The following SLC31A1 variants were observed in gnomAD, a reference collection of about 807,000 sequenced individuals.
SLC31A1 encodes the protein high affinity copper uptake protein 1.
Under a neutral mutation model 17.2 loss-of-function variants are expected in SLC31A1, and 5 were observed. That is an observed-to-expected ratio of 0.29 (90% CI 0.15 to 0.61). SLC31A1 has a LOEUF of 0.61. Among genes scored for constraint, SLC31A1 ranks in the 20% least tolerant of loss-of-function variants. The pLI is 0.86. For missense variants in SLC31A1, 161 were observed against 241.4 expected (o/e 0.67, Z 2.21); for synonymous variants, 76 against 78.8 (o/e 0.96, Z 0.19).
intron 1 of SLC31A1, chr9:113,223,318 G>T: frequency 2.6e-6 from 1 of 377,396 alleles, no homozygotes; most frequent in South Asian, 1.9e-5. Flanking sequence ...CTGCAGGACT[G>T]GGTGCACCTA....
intron 1 of SLC31A1, among the ~76,000 whole-genome samples, chr9:113,234,383 G>T (rs1351658991): frequency 6.6e-6 from 1 of 150,954 alleles, no homozygotes. Flanking sequence ...CACCATGTTG[G>T]CCAGGCTGGT....
chr9:113,259,567 TTTTC>T (rs1831767115), intron 4 of SLC31A1, among the ~76,000 whole-genome samples: 1 of 147,824 alleles, frequency 6.8e-6, no homozygotes, highest in South Asian at 2.2e-4. Context: ...TTCTATTTTT[TTTTC>T]TTTTTTTCTT....
intron 1 of SLC31A1, among the ~76,000 whole-genome samples, chr9:113,245,237 T>C (rs1170011954): frequency 6.8e-6 from 1 of 147,640 alleles, no homozygotes. Flanking sequence ...TTGTTTTGTT[T>C]GTTGTTGTTG....
chr9:113,228,337 A>C (rs1831365200), intron 1 of SLC31A1, among the ~76,000 whole-genome samples: 1 of 152,250 alleles, frequency 6.6e-6, no homozygotes, highest in African/African-American at 2.4e-5. Flanking sequence ...ATGTGATTAC[A>C]TTATTCCAGG....
intron 2 of SLC31A1, 96 bp downstream of exon 2, chr9:113,256,373 G>A: frequency 2.1e-6 from 3 of 1,438,864 alleles, no homozygotes; most frequent in Non-Finnish European, 2.9e-6. Context: ...TATCTTTAAA[G>A]GTCAGTTTAC....
intron 1 of SLC31A1, among the ~76,000 whole-genome samples, chr9:113,254,042 C>T (rs1443441756): frequency 6.7e-6 from 1 of 149,540 alleles, no homozygotes; most frequent in Non-Finnish European, 1.5e-5. Context: ...GAAACCTCCA[C>T]CTCCCAGGTT....
At chr9:113,232,550 G>A (rs775093476) in intron 1 of SLC31A1, among the ~76,000 whole-genome samples, 3 of 151,966 alleles carry the variant, frequency 2.0e-5, no homozygotes, top group Non-Finnish European at 4.4e-5. Context: ...CAGCAGAGAT[G>A]GCCAGGCACG....
At chr9:113,227,062 T>C (rs1831349256) in intron 1 of SLC31A1, among the ~76,000 whole-genome samples, 1 of 152,166 alleles carries the variant, frequency 6.6e-6, no homozygotes, top group African/African-American at 2.4e-5. Flanking sequence ...AGTTTCATCA[T>C]GGTACCTTCA....
rs1587996309 is a variant in SLC31A1, at chr9:113,256,124, T to C, written c.-25T>C. ...TCTTTCTCTTAAAAGAATCTTCTGC[T>C]GACTCTCAACTTTTCCTGGAAAAAA... On this transcript the variant is annotated 5_prime_UTR_variant, in exon 2 of 5. Coordinates refer to ENST00000374212, the MANE Select transcript of SLC31A1 (RefSeq NM_001859.4). 6.2e-7 allele frequency: 1 copy of C among 1,610,692 alleles called. No individual in the cohort carries two copies. The highest frequency in any genetic ancestry group is 8.5e-7 in the Non-Finnish European group (1 of 1,178,762).
chr9:113,249,975 G>A (rs552018637), intron 1 of SLC31A1, among the ~76,000 whole-genome samples: 22 of 152,226 alleles, frequency 1.4e-4, no homozygotes, highest in East Asian at 1.4e-3. Flanking sequence ...AAACCACAGT[G>A]AGATACCATT....
chr9:113,224,899 G>C (rs2058796565), intron 1 of SLC31A1, among the ~76,000 whole-genome samples: 2 of 152,298 alleles, frequency 1.3e-5, no homozygotes, highest in Non-Finnish European at 1.5e-5. Flanking sequence ...TTTTGCCTTT[G>C]TAAAACAGGC....
At chr9:113,226,067 C>T (rs1218934859) in intron 1 of SLC31A1, among the ~76,000 whole-genome samples, 2 of 150,226 alleles carry the variant, frequency 1.3e-5, no homozygotes, top group Non-Finnish European at 3.0e-5. Flanking sequence ...TCCGGAGAGG[C>T]GGAGGTTGCA....
chr9:113,229,577 T>C (rs1831380642), intron 1 of SLC31A1, among the ~76,000 whole-genome samples: 1 of 152,228 alleles, frequency 6.6e-6, no homozygotes. Flanking sequence ...ATTTTTAATA[T>C]TTTGCTATTA....
At chr9:113,255,589 G>A (rs1262740121) in intron 1 of SLC31A1, among the ~76,000 whole-genome samples, 2 of 152,032 alleles carry the variant, frequency 1.3e-5, no homozygotes, top group African/African-American at 4.8e-5. Flanking sequence ...AGTGGTGCAG[G>A]CCTGTGATTC....
At chr9:113,224,139 A>G (rs1196863972) in intron 1 of SLC31A1, among the ~76,000 whole-genome samples, 1 of 152,150 alleles carries the variant, frequency 6.6e-6, no homozygotes, top group African/African-American at 2.4e-5. Flanking sequence ...TTGTTTATGT[A>G]TTGTCTATGA....
chr9:113,227,068 C>T (rs1476117850), intron 1 of SLC31A1, among the ~76,000 whole-genome samples: 1 of 151,938 alleles, frequency 6.6e-6, no homozygotes, highest in East Asian at 1.9e-4. Context: ...ATCATGGTAC[C>T]TTCATTCGAT....
At chr9:113,252,382 G>C (rs550435659) in intron 1 of SLC31A1, among the ~76,000 whole-genome samples, 5 of 152,192 alleles carry the variant, frequency 3.3e-5, no homozygotes, top group Non-Finnish European at 5.9e-5. Context: ...TGCAACCTCC[G>C]CCTCCCGGGT....
chr9:113,224,982 G>A (rs1175970583), intron 1 of SLC31A1, among the ~76,000 whole-genome samples: 1 of 152,224 alleles, frequency 6.6e-6, no homozygotes, highest in Non-Finnish European at 1.5e-5. Context: ...ATTTAGAACA[G>A]TGCCTGGCAG....
intron 1 of SLC31A1, among the ~76,000 whole-genome samples, chr9:113,255,084 T>C (rs1831705843): frequency 6.6e-6 from 1 of 152,162 alleles, no homozygotes; most frequent in African/African-American, 2.4e-5. Flanking sequence ...CCTGGTAGGA[T>C]TGAAATTGTA....
Sources: allele counts gnomAD v4.1 joint callset (sites outside exome capture counted in the v4.1 genomes callset), GRCh38; gene constraint gnomAD v4.1.1; transcripts MANE v1.5; gene names NCBI Gene and HGNC (gene_info 2026-07-23, HGNC 2026-07-21).